Variants in DPP8 observed in about 807,000 individuals in gnomAD.
DPP8 encodes the protein DPP VIII.
A neutral mutation model predicts 107.5 loss-of-function variants in DPP8; 31 were observed. The observed-to-expected ratio is 0.29, with a 90% CI of 0.22 to 0.39. The LOEUF (loss-of-function observed/expected upper bound fraction) is 0.39, where lower values mean the gene tolerates loss of function less well. Among genes scored for constraint, DPP8 ranks in the 10% least tolerant of loss-of-function variants. The probability of loss-of-function intolerance (pLI) is 1.00; values close to 1 mark genes in which losing one functional copy is unlikely to be tolerated. For synonymous variants in DPP8, 381 were observed against 356.6 expected (o/e 1.07, Z -0.77); for missense variants, 842 against 1,076.1 (o/e 0.78, Z 3.04).
chr15:65,466,947 C>T (rs1466947839), intron 13 of DPP8, 124 bp downstream of exon 13: 1 of 1,426,006 alleles, frequency 7.0e-7, no homozygotes, highest in Admixed American at 2.3e-5. Flanking sequence ...TGAAATTAAG[C>T]TTTTTAAAGC....
chr15:65,485,263 G>A, intron 7 of DPP8, 103 bp from the exon 8 acceptor site: 1 of 849,300 alleles, frequency 1.2e-6, no homozygotes, highest in African/African-American at 1.7e-5. Context: ...TAACGTATAG[G>A]TCGGGTGCAG....
At chr15:65,456,641 T>C (rs559874743) in intron 15 of DPP8, among the ~76,000 whole-genome samples, 61 of 152,272 alleles carry the variant, frequency 4.0e-4, no homozygotes, top group African/African-American at 1.4e-3. Flanking sequence ...ACCCACCCCA[T>C]ATAAAAAGTT....
At chr15:65,505,126 C>A (rs1403827456) in intron 3 of DPP8, among the ~76,000 whole-genome samples, 3 of 152,100 alleles carry the variant, frequency 2.0e-5, no homozygotes, top group Admixed American at 1.3e-4. Flanking sequence ...GAGGCCGAGG[C>A]AGGCGGATCA....
rs1369272512 is a variant in DPP8, at chr15:65,444,880, C to A, written c.*2004G>T. ...GATAGATCCTTCGAGGCCAGTTAGT[C>A]CAAACAAAACAAAACAAAACAAAAC... On this transcript the variant is annotated 3_prime_UTR_variant, in exon 20 of 20. Transcript: ENST00000300141. 1 of 152,048 alleles carries A rather than the reference C, an allele frequency of 6.6e-6. No homozygotes were observed. Among genetic ancestry groups the A allele is most frequent in the Non-Finnish European group, 1.5e-5 (1 of 68,012 alleles). The allele number at this position is 152,048 out of a possible 1,614,324, so 9.4% of individuals were successfully genotyped here. A position where few individuals can be genotyped will look rare whatever the true frequency, so the allele number is the denominator to read the frequency against.
intron 15 of DPP8, among the ~76,000 whole-genome samples, chr15:65,458,219 C>G (rs1171351490): frequency 1.3e-5 from 2 of 152,240 alleles, no homozygotes; most frequent in African/African-American, 2.4e-5. Context: ...ATTTGCAGAA[C>G]AGTGTCTGGC....
intron 15 of DPP8, among the ~76,000 whole-genome samples, chr15:65,458,031 T>A (rs1462604984): frequency 6.6e-6 from 1 of 152,164 alleles, no homozygotes; most frequent in Non-Finnish European, 1.5e-5. Flanking sequence ...ATATGAACAT[T>A]TAAAGAAAAT....
intron 11 of DPP8, 48 bp downstream of exon 11, chr15:65,478,832 T>A (rs769034971): frequency 2.1e-6 from 3 of 1,395,360 alleles, no homozygotes; most frequent in African/African-American, 1.5e-5. Context: ...CCTCCCACCT[T>A]CTGCTTCCAA....
chr15:65,502,380 C>T (rs1033524126), intron 3 of DPP8, among the ~76,000 whole-genome samples: 1 of 151,282 alleles, frequency 6.6e-6, no homozygotes, highest in Non-Finnish European at 1.5e-5. Context: ...TATAATGTCT[C>T]TCAAAGAAAG....
chr15:65,481,433 C>T (rs970159995), intron 9 of DPP8, 82 bp downstream of exon 9: 2 of 983,482 alleles, frequency 2.0e-6, no homozygotes, highest in African/African-American at 1.7e-5. Context: ...GCTCCAACTA[C>T]AAGGCAAACC....
chr15:65,489,702 G>A (rs137885667), intron 6 of DPP8, among the ~76,000 whole-genome samples: 7,225 of 151,130 alleles, frequency 0.048, 598 homozygotes, highest in African/African-American at 0.17. Context: ...ACAGGCGTAA[G>A]CCACCACGCC....
intron 7 of DPP8, 138 bp downstream of exon 7, chr15:65,487,552 G>T: frequency 1.4e-6 from 1 of 735,558 alleles, no homozygotes. Flanking sequence ...ATCTATTTTT[G>T]TGGTACTTAG....
At chr15:65,458,308 A>G (rs1041035622) in intron 15 of DPP8, among the ~76,000 whole-genome samples, 4 of 152,120 alleles carry the variant, frequency 2.6e-5, no homozygotes, top group African/African-American at 9.7e-5. Flanking sequence ...TCACCCAGGC[A>G]GGAGTGCAAT....
chr15:65,497,624 T>C (rs2068740579), intron 5 of DPP8, among the ~76,000 whole-genome samples: 2 of 152,196 alleles, frequency 1.3e-5, no homozygotes, highest in South Asian at 2.1e-4. Flanking sequence ...AGAACAATCA[T>C]GTCAGAGGTT....
At position 65,497,864 on chromosome 15, in the gene DPP8, C is replaced by T. The variant is rs1384917416; in HGVS notation, c.715G>A (p.Glu239Lys). Residue 239 changes from glutamate (E) to lysine (K), a missense_variant and splice_region_variant, in exon 5 of 20, where the codon GAG becomes AAG. Around this residue, in one of 2 missense-constraint regions of DPP8, gnomAD observed 663 missense variants for 758.0 expected, o/e 0.87. Coordinates refer to ENST00000300141, the MANE Select transcript of DPP8 (RefSeq NM_130434.5). ...EERRLTYVHN[E>K]LANMEEDARS... ...GTAAATCTGAAGAACTACGCCTTAC[C>T]ATTGTGCACATAAGTGAGTCTCCTT... The T allele has an allele frequency of 4.0e-6, 6 of 1,499,786 alleles. No homozygotes were observed. The highest frequency in any genetic ancestry group is 5.4e-6 in the Non-Finnish European group (6 of 1,112,028). The allele number at this position is 1,499,786 out of a possible 1,614,324, so 92.9% of individuals were successfully genotyped here.
At chr15:65,513,458 C>A (rs931238990) in intron 1 of DPP8, among the ~76,000 whole-genome samples, 1 of 152,104 alleles carries the variant, frequency 6.6e-6, no homozygotes, top group South Asian at 2.1e-4. Context: ...GTGATCCACC[C>A]GCCTCGGCCT....
Position 65,510,323 on chromosome 15 carries a change from ATAAT to A in DPP8, c.259+1968_259+1971del, listed in dbSNP as rs1021770589. ...TGAGACCCCGTCTCAAAAAATAATA[ATAAT>A]TAATAATTAATTTAAAAAATAAGCA... is the stretch of plus-strand genomic sequence containing the variant. On this transcript the variant is annotated intron_variant, in intron 2 of 19. Transcript: ENST00000300141. Among the ~76,000 whole-genome samples the A allele has an allele frequency of 5.9e-4, 90 of 152,168 alleles. 2 individuals carry two copies. The highest frequency in any genetic ancestry group is 2.0e-3 in the African/African-American group (84 of 41,562).
In DPP8 at chr15:65,452,805, C is replaced by T. The variant is rs2064087449; in HGVS notation, c.2272-703G>A. 5.3e-5 allele frequency among the ~76,000 whole-genome samples: 8 copies of T among 152,032 alleles called. No homozygotes were observed. The South Asian group carries it at 1.7e-3, about 32-fold the overall frequency. On this transcript the variant is annotated intron_variant, in intron 17 of 19. Transcript: ENST00000300141. ...TGGCAAACATGGTGAAATCTCGTCT[C>T]TACTAAAAATACAAAAATTAGCTGG...
intron 12 of DPP8, among the ~76,000 whole-genome samples, chr15:65,468,579 T>G (rs1197998824): frequency 6.6e-6 from 1 of 152,190 alleles, no homozygotes; most frequent in Non-Finnish European, 1.5e-5. Flanking sequence ...AAATGCCTTT[T>G]TTCCCCCCAG....
chr15:65,459,197 C>G (rs1037687803), intron 15 of DPP8, among the ~76,000 whole-genome samples: 1 of 151,260 alleles, frequency 6.6e-6, no homozygotes, highest in Non-Finnish European at 1.5e-5. Flanking sequence ...TCTCTTTTGA[C>G]ACATGGTCTC....
Sources: gnomAD v4.1 joint callset for allele counts (sites outside exome capture counted in the v4.1 genomes callset) on GRCh38, gnomAD v4.1.1 for gene constraint, gnomAD v4.1.1 regional missense constraint, MANE v1.5 for transcripts, NCBI Gene and HGNC (gene_info 2026-07-23, HGNC 2026-07-21) for gene names.